Variants in MAPK6 observed in about 807,000 individuals in gnomAD.
MAPK6 encodes the protein mitogen-activated protein kinase 6.
In MAPK6, 19 loss-of-function variants were observed where a neutral mutation model predicts 59.3. The observed-to-expected ratio is 0.32, with a 90% CI of 0.22 to 0.47. The LOEUF is 0.47. Among genes scored for constraint, MAPK6 ranks in the 20% least tolerant of loss-of-function variants. MAPK6 has a pLI of 1.00. For missense variants in MAPK6, 724 were observed against 847.9 expected (o/e 0.85, Z 1.81); for synonymous variants, 316 against 290.3 (o/e 1.09, Z -0.90).
At chr15:51,997,684 G>A (rs1331829670) in intron 2 of MAPK6, among the ~76,000 whole-genome samples, 13 of 146,872 alleles carry the variant, frequency 8.9e-5, no homozygotes, top group African/African-American at 2.5e-4. Context: ...TCTGCCTCCC[G>A]GGTTCAAGCG....
At position 52,043,301 on chromosome 15, in the gene MAPK6, T is replaced by G. The variant is rs1175693564; in HGVS notation, c.-631-2529T>G. ...TACAAAAATTATTTTTATTTTTTAT[T>G]TATTCATTTTTTTTGAGACGGAATC... On this transcript the variant is annotated intron_variant, in intron 1 of 5. Transcript: ENST00000261845. Among the ~76,000 whole-genome samples the G allele has an allele frequency of 5.3e-5, 8 of 152,242 alleles. No individual in the cohort carries two copies. The South Asian group carries it at 1.5e-3, about 28-fold the overall frequency.
chr15:52,016,061 C>CGT (rs1248886259), upstream of MAPK6, among the ~76,000 whole-genome samples: 22 of 71,736 alleles, frequency 3.1e-4, no homozygotes, highest in African/African-American at 9.2e-4. Flanking sequence ...ATCGCGCGCG[C>CGT]GCGCGCGCGC....
chr15:52,040,034 A>G (rs1373626581), intron 1 of MAPK6, among the ~76,000 whole-genome samples: 1 of 152,186 alleles, frequency 6.6e-6, no homozygotes, highest in Non-Finnish European at 1.5e-5. Flanking sequence ...AGGGCCCCTG[A>G]TAACTCTTAT....
Position 52,058,695 on chromosome 15 carries a change from G to T in MAPK6, c.763G>T (p.Asp255Tyr). ...ATCTATTCCTGTTGTACATGAGGAA[G>T]ATCGTCAGGAGCTTCTCAGCGTAAT... is the stretch of plus-strand genomic sequence containing the variant. ...LESIPVVHEEDRQELLSVIPV... is the reference protein window; with the variant it reads ...LESIPVVHEEYRQELLSVIPV... Residue 255 changes from aspartate to tyrosine, a missense_variant, in exon 4 of 6, where the codon GAT (aspartate) becomes TAT (tyrosine). By Grantham distance (160) the Asp-to-Tyr change is radical. Coordinates refer to ENST00000261845, the MANE Select transcript of MAPK6 (RefSeq NM_002748.4). The T allele has an allele frequency of 6.2e-7, 1 of 1,613,602 alleles. No homozygotes were observed. The highest frequency in any genetic ancestry group is 8.5e-7 in the Non-Finnish European group (1 of 1,179,712).
intron 2 of MAPK6, among the ~76,000 whole-genome samples, chr15:52,048,335 T>C (rs1434924354): frequency 1.2e-4 from 18 of 152,052 alleles, no homozygotes; most frequent in South Asian, 1.0e-3. Context: ...TATTTTTACT[T>C]GGGCCAGGTA....
rs1190750917 is a variant in MAPK6 at position 52,065,157 on chromosome 15, A to G, written c.*157A>G. ...TTTAAAATCCAGACTTTCTTTTTCT[A>G]CATGTGAGATAGTTTTCATTTTAAC... is the stretch of plus-strand genomic sequence containing the variant. On this transcript the variant is annotated 3_prime_UTR_variant, in exon 6 of 6. Coordinates refer to ENST00000261845, the MANE Select transcript of MAPK6 (RefSeq NM_002748.4). 9.2e-6 allele frequency: 6 copies of G among 649,056 alleles called. No homozygotes were observed. Among genetic ancestry groups the G allele is most frequent in the East Asian group, 6.0e-5 (2 of 33,242 alleles). 40.2% of individuals were successfully genotyped at this position (649,056 alleles called of 1,614,324 possible).
At chr15:51,973,537 C>T (rs1281404389) in intron 1 of MAPK6, among the ~76,000 whole-genome samples, 1 of 151,892 alleles carries the variant, frequency 6.6e-6, no homozygotes, top group Non-Finnish European at 1.5e-5. Context: ...ACAGTTTGGT[C>T]TGGTGAGTCA....
intron 2 of MAPK6, among the ~76,000 whole-genome samples, chr15:51,997,708 A>C (rs2141821432): frequency 6.8e-6 from 1 of 146,528 alleles, no homozygotes; most frequent in Non-Finnish European, 1.5e-5. Flanking sequence ...CTCCTGCCTC[A>C]GCCTCTTGAG....
chr15:52,053,112 A>T (rs1437859952), intron 3 of MAPK6, among the ~76,000 whole-genome samples: 2 of 133,792 alleles, frequency 1.5e-5, no homozygotes, highest in Non-Finnish European at 3.1e-5. Context: ...TTGCTTTGTC[A>T]TCCAGGCTGG....
chr15:51,986,619 T>C (rs1010903211), intron 2 of MAPK6, among the ~76,000 whole-genome samples: 4 of 152,234 alleles, frequency 2.6e-5, no homozygotes, highest in Non-Finnish European at 5.9e-5. Flanking sequence ...TGTCACTGCT[T>C]AGGAAGCAAT....
At chr15:52,024,401 TC>T (rs2030668100) in intron 1 of MAPK6, among the ~76,000 whole-genome samples, 1 of 150,766 alleles carries the variant, frequency 6.6e-6, no homozygotes, top group Non-Finnish European at 1.5e-5. Flanking sequence ...TTTTTCTTTT[TC>T]TTTTTTTTTT....
chr15:51,996,515 C>T (rs1377928473), intron 2 of MAPK6, among the ~76,000 whole-genome samples: 1 of 152,098 alleles, frequency 6.6e-6, no homozygotes, highest in African/African-American at 2.4e-5. Flanking sequence ...CCTGCCTCAG[C>T]CTCCCGAATA....
Position 52,063,910 on chromosome 15 carries a change from ATTGTCAG to A in MAPK6, c.1079_1085del (p.Cys360PhefsTer93), listed in dbSNP as rs1448074136. The A allele has an allele frequency of 6.5e-7, 1 of 1,537,420 alleles. No individual in the cohort carries two copies. The highest frequency in any genetic ancestry group is 8.7e-7 in the Non-Finnish European group (1 of 1,143,318). ...GTATTGATTTTTTTCAGGTATCATG[ATTGTCAG>A]TTTTCAGAGCATGATTGGCCTGTAC... On this transcript the variant is annotated frameshift_variant, in exon 6 of 6. Coordinates refer to ENST00000261845, the MANE Select transcript of MAPK6 (RefSeq NM_002748.4). LOFTEE classifies it high-confidence loss of function.
rs541779057 is a variant in MAPK6 at position 52,049,192 on chromosome 15, G to T, written c.556-801G>T. Among the ~76,000 whole-genome samples the T allele has an allele frequency of 2.2e-4, 33 of 152,146 alleles. No homozygotes were observed. The South Asian group carries it at 6.9e-3, about 32-fold the overall frequency. ...GTGATGAATAGGATTTATAGTAGAG[G>T]TCATTAAGGAGGTAGACATTGGTTT... On this transcript the variant is annotated intron_variant, in intron 2 of 5. Transcript: ENST00000261845.
chr15:51,984,447 A>ATTTTTTTT (rs71130112), intron 2 of MAPK6, among the ~76,000 whole-genome samples: 785 of 69,928 alleles, frequency 0.011, 38 homozygotes, highest in East Asian at 0.047. Flanking sequence ...ACGCCGGCTA[A>ATTTTTTTT]TTTTTTTTTT....
At chr15:51,983,882 C>G (rs901860950) in intron 2 of MAPK6, among the ~76,000 whole-genome samples, 1 of 151,854 alleles carries the variant, frequency 6.6e-6, no homozygotes, top group Non-Finnish European at 1.5e-5. Context: ...CTGTAAATGG[C>G]TATACTCTTT....
In MAPK6 at chr15:52,046,365, C is replaced by T. The variant is rs2031592626; in HGVS notation, c.-96C>T. On this transcript the variant is annotated 5_prime_UTR_variant, in exon 2 of 6. Transcript: ENST00000261845. The stretch of plus-strand genomic sequence containing the variant: ...CTGTGGAAGCATAATTATTTTTCTT[C>T]TCCCTTTTTGAAAGATCTTTCCTTT... 1.2e-5 allele frequency: 11 copies of T among 914,740 alleles called. No individual in the cohort carries two copies. The highest frequency in any genetic ancestry group is 9.5e-5 in the Admixed American group (4 of 42,092). 56.7% of individuals were successfully genotyped at this position (914,740 alleles called of 1,614,324 possible). A position where few individuals can be genotyped will look rare whatever the true frequency, so the allele number is the denominator to read the frequency against.
chr15:51,994,320 C>T (rs1345834580), intron 2 of MAPK6, among the ~76,000 whole-genome samples: 2 of 152,158 alleles, frequency 1.3e-5, no homozygotes, highest in African/African-American at 4.8e-5. Context: ...TGGAGAATGG[C>T]TGATTCCCGG....
upstream of MAPK6, among the ~76,000 whole-genome samples, chr15:52,015,928 C>T (rs2030225551): frequency 2.6e-4 from 1 of 3,800 alleles, no homozygotes; most frequent in Admixed American, 9.1e-3. Context: ...CGTGGTGGCG[C>T]GCCCTGTAAT....
Sources: gnomAD v4.1 joint callset for allele counts (sites outside exome capture counted in the v4.1 genomes callset) on GRCh38, gnomAD v4.1.1 for gene constraint, MANE v1.5 for transcripts, NCBI Gene and HGNC (gene_info 2026-07-23, HGNC 2026-07-21) for gene names.